The following TBC1D22A variants were observed in gnomAD, a reference collection of about 807,000 sequenced individuals.
TBC1D22A encodes the protein TBC1 domain family member 22A.
A neutral mutation model predicts 60.2 loss-of-function variants in TBC1D22A; 38 were observed. The observed-to-expected ratio is 0.63, with a 90% CI of 0.49 to 0.83. The LOEUF is 0.83. Ranked by LOEUF, TBC1D22A falls within the 40% of genes least tolerant of loss-of-function variation. The pLI is 0.00. For missense variants in TBC1D22A, 628 were observed against 701.0 expected, an observed-to-expected ratio of 0.90 and a Z score of 1.18; for synonymous variants, 302 against 281.7, an observed-to-expected ratio of 1.07 and a Z score of -0.72.
At chr22:47,087,196 A>G (rs1490322328) in intron 11 of TBC1D22A, among the ~76,000 whole-genome samples, 1 of 152,244 alleles carries the variant, frequency 6.6e-6, no homozygotes, top group Non-Finnish European at 1.5e-5. Flanking sequence ...TGCTTATATT[A>G]CAAACCAAAC....
At chr22:46,764,367 G>C (rs758320522) in intron 1 of TBC1D22A, 1 of 152,232 alleles carries the variant, frequency 6.6e-6, no homozygotes, top group African/African-American at 2.4e-5. Flanking sequence ...TAAGAGTCCA[G>C]GGAAGAGGAG....
chr22:46,803,274 A>G (rs935673563), intron 4 of TBC1D22A, among the ~76,000 whole-genome samples: 2 of 152,058 alleles, frequency 1.3e-5, no homozygotes, highest in African/African-American at 4.8e-5. Flanking sequence ...CTCCAGCCCC[A>G]CAGTGAGGGC....
chr22:46,982,412 C>T (rs1304180800), intron 9 of TBC1D22A, among the ~76,000 whole-genome samples: 6 of 152,006 alleles, frequency 3.9e-5, no homozygotes, highest in Non-Finnish European at 8.8e-5. Context: ...TTAGTAGAGA[C>T]GGGGTTTCAC....
intron 10 of TBC1D22A, among the ~76,000 whole-genome samples, chr22:47,002,403 G>A (rs2061434939): frequency 6.6e-6 from 1 of 152,226 alleles, no homozygotes; most frequent in Admixed American, 6.5e-5. Context: ...GAGCCCCTCT[G>A]TGTGAATTCT....
chr22:47,103,286 G>C (rs867277252), intron 11 of TBC1D22A, among the ~76,000 whole-genome samples: 1 of 152,204 alleles, frequency 6.6e-6, no homozygotes, highest in East Asian at 1.9e-4. Flanking sequence ...GACCATGACA[G>C]TGTGGCATGT....
chr22:46,915,736 ATG>A (rs2070320722), intron 8 of TBC1D22A: 1 of 456,442 alleles, frequency 2.2e-6, no homozygotes, highest in Non-Finnish European at 4.4e-6. Context: ...CTTTCTGGGG[ATG>A]TGTGTTCGCC....
chr22:46,918,516 G>A (rs1327650225), intron 8 of TBC1D22A, among the ~76,000 whole-genome samples: 52 of 151,998 alleles, frequency 3.4e-4, no homozygotes, highest in Non-Finnish European at 2.9e-5. Flanking sequence ...GTGTGGTAAG[G>A]AAATGGAGAA....
intron 12 of TBC1D22A, among the ~76,000 whole-genome samples, chr22:47,150,284 A>T (rs1161569783): frequency 6.6e-6 from 1 of 152,168 alleles, no homozygotes; most frequent in East Asian, 1.9e-4. Flanking sequence ...TTTGGAGGGC[A>T]CTGGGGAGTG....
chr22:46,842,247 A>T (rs1286044192), intron 4 of TBC1D22A, among the ~76,000 whole-genome samples: 1 of 152,260 alleles, frequency 6.6e-6, no homozygotes, highest in Non-Finnish European at 1.5e-5. Context: ...AATGATAGGG[A>T]CAACTAAGAT....
chr22:46,967,953 C>T lies in TBC1D22A; in HGVS notation c.1016-6337C>T, dbSNP rs1007810340. Among the ~76,000 whole-genome samples, 10 of 152,284 alleles carry T rather than the reference C, an allele frequency of 6.6e-5. No individual in the cohort carries two copies. The East Asian group carries it at 1.9e-3, about 29-fold the overall frequency. On this transcript the variant is annotated intron_variant, in intron 8 of 12. Coordinates refer to ENST00000337137, the MANE Select transcript of TBC1D22A (RefSeq NM_014346.5). ...ATTCCAGAGCACCCCCTGGTAATTA[C>T]AAGCTACGATTCCAGTCCTCTACTC...
chr22:46,774,075 C>T, intron 1 of TBC1D22A: 1 of 985,600 alleles, frequency 1.0e-6, no homozygotes, highest in Non-Finnish European at 1.2e-6. Flanking sequence ...GGAGGTGTTC[C>T]TCCCGCCCCC....
At position 47,100,461 on chromosome 22, in the gene TBC1D22A, G is replaced by T. The variant is rs147168307; in HGVS notation, c.1330-11047G>T. Reference sequence around the variant, plus strand: ...ACAGGGGTGAGGCCTCGGGGGACGGGTGATATGGTTTGGCTGTGTCCCCAC... The same window carrying T: ...ACAGGGGTGAGGCCTCGGGGGACGGTTGATATGGTTTGGCTGTGTCCCCAC... On this transcript the variant is annotated intron_variant, in intron 11 of 12. Transcript: ENST00000337137. 3.8e-3 allele frequency among the ~76,000 whole-genome samples: 583 copies of T among 152,236 alleles called. 3 individuals carry two copies. The highest frequency in any genetic ancestry group is 0.01 in the Middle Eastern group (3 of 294).
intron 4 of TBC1D22A, among the ~76,000 whole-genome samples, chr22:46,842,579 G>A (rs1033600637): frequency 2.0e-4 from 30 of 152,328 alleles, no homozygotes; most frequent in Non-Finnish European, 2.8e-4. Flanking sequence ...TAGGGTTTTC[G>A]TGGAGGTAAT....
intron 3 of TBC1D22A, among the ~76,000 whole-genome samples, chr22:46,794,363 C>T (rs896439439): frequency 2.6e-5 from 4 of 152,192 alleles, no homozygotes; most frequent in East Asian, 1.9e-4. Context: ...ACTTTTGGGT[C>T]GGCCACGTTT....
intron 7 of TBC1D22A, among the ~76,000 whole-genome samples, chr22:46,898,920 C>T (rs1216410533): frequency 6.6e-6 from 1 of 152,164 alleles, no homozygotes; most frequent in Non-Finnish European, 1.5e-5. Context: ...TCCTTTCACT[C>T]CCTCTGCAGT....
intron 4 of TBC1D22A, among the ~76,000 whole-genome samples, chr22:46,819,497 G>A (rs568165283): frequency 2.6e-5 from 4 of 152,260 alleles, no homozygotes; most frequent in East Asian, 3.9e-4. Context: ...TGAGATAATC[G>A]TGGTTTTTTG....
rs144032732 is a variant in TBC1D22A at position 47,168,013 on chromosome 22, G to T, written c.1426-5485G>T. Among the ~76,000 whole-genome samples the T allele has an allele frequency of 9.1e-4, 139 of 152,376 alleles. 1 individual carries two copies. Among genetic ancestry groups the T allele is most frequent in the African/African-American group, 3.1e-3 (128 of 41,600 alleles). ...CAGATGAGGAAACTGAGGCATGGAG[G>T]GTTATGAGACTTGCCCAGGGTTGTG... On this transcript the variant is annotated intron_variant, in intron 12 of 12. Coordinates refer to ENST00000337137, the MANE Select transcript of TBC1D22A (RefSeq NM_014346.5).
chr22:47,148,004 G>A (rs532577779), intron 12 of TBC1D22A, among the ~76,000 whole-genome samples: 28 of 152,324 alleles, frequency 1.8e-4, no homozygotes, highest in Middle Eastern at 3.4e-3. Context: ...TTCCTCCTAG[G>A]ACAGTGCCAG....
chr22:46,774,933 C>G (rs1265105970), intron 1 of TBC1D22A, among the ~76,000 whole-genome samples: 1 of 152,222 alleles, frequency 6.6e-6, no homozygotes, highest in Non-Finnish European at 1.5e-5. Flanking sequence ...GCTTTCTGCA[C>G]CTGGGCCTCT....
Sources: allele counts gnomAD v4.1 joint callset (sites outside exome capture counted in the v4.1 genomes callset), GRCh38; gene constraint gnomAD v4.1.1; transcripts MANE v1.5; gene names NCBI Gene and HGNC (gene_info 2026-07-23, HGNC 2026-07-21).